The following LARGE1 variants were observed in gnomAD, a reference collection of about 807,000 sequenced individuals.
LARGE1 encodes the protein LARGE xylosyl- and glucuronyltransferase 1.
A neutral mutation model predicts 87.6 loss-of-function variants in LARGE1; 43 were observed. That is an observed-to-expected ratio of 0.49 (90% CI 0.38 to 0.63). LARGE1 has a LOEUF of 0.63. Ranked by LOEUF, LARGE1 falls within the 30% of genes least tolerant of loss-of-function variation. LARGE1 has a pLI of 0.00. For synonymous variants in LARGE1, 434 were observed against 394.6 expected (o/e 1.10, Z -1.18); for missense variants, 802 against 1,000.2 (o/e 0.80, Z 2.67).
chr22:33,590,766 T>C (rs1023339304), intron 5 of LARGE1, among the ~76,000 whole-genome samples: 6 of 152,226 alleles, frequency 3.9e-5, no homozygotes, highest in Admixed American at 6.5e-5. Context: ...GTTCTTCAGC[T>C]GACAGTCAGT....
At chr22:33,549,859 T>C (rs1225272784) in intron 6 of LARGE1, among the ~76,000 whole-genome samples, 8 of 152,180 alleles carry the variant, frequency 5.3e-5, no homozygotes, top group Non-Finnish European at 7.3e-5. Context: ...GTCCTTGCGA[T>C]AGTTTGCTCA....
the LARGE1 span, among the ~76,000 whole-genome samples, chr22:33,069,028 C>G: frequency 6.6e-6 from 1 of 152,196 alleles, no homozygotes; most frequent in African/African-American, 2.4e-5. Context: ...TACAAAGAAA[C>G]TCTGTGGCAG....
intron 3 of LARGE1, among the ~76,000 whole-genome samples, chr22:33,640,756 C>A (rs888237401): frequency 6.6e-6 from 1 of 152,134 alleles, no homozygotes; most frequent in African/African-American, 2.4e-5. Context: ...GAGAAAGGGG[C>A]GTCCACCATA....
intron 6 of LARGE1, among the ~76,000 whole-genome samples, chr22:33,474,141 T>G (rs1015733530): frequency 6.6e-6 from 1 of 152,104 alleles, no homozygotes; most frequent in South Asian, 2.1e-4. Flanking sequence ...GGCCAATGTA[T>G]CTAGTCTTTT....
intron 10 of LARGE1, among the ~76,000 whole-genome samples, chr22:33,325,083 C>G (rs1226846194): frequency 6.6e-6 from 1 of 152,256 alleles, no homozygotes; most frequent in Non-Finnish European, 1.5e-5. Flanking sequence ...GAGATTCAAA[C>G]CCAGGTGTAT....
the LARGE1 span, among the ~76,000 whole-genome samples, chr22:33,148,267 T>G: frequency 6.6e-6 from 1 of 152,226 alleles, no homozygotes; most frequent in African/African-American, 2.4e-5. Context: ...CAACAGAAAA[T>G]AGACTAAGAT....
At chr22:33,660,906 G>A (rs1490866901) in intron 2 of LARGE1, among the ~76,000 whole-genome samples, 2 of 152,058 alleles carry the variant, frequency 1.3e-5, no homozygotes, top group African/African-American at 2.4e-5. Context: ...TATTTGATAT[G>A]AAATATTCAT....
chr22:33,110,714 C>T, the LARGE1 span: 2 of 152,196 alleles, frequency 1.3e-5, no homozygotes, highest in South Asian at 4.1e-4. Flanking sequence ...GGGGCTACTC[C>T]CCAATCCGTG....
chr22:33,128,692 A>G, the LARGE1 span, among the ~76,000 whole-genome samples: 10 of 144,216 alleles, frequency 6.9e-5, no homozygotes, highest in Admixed American at 5.0e-4. Flanking sequence ...AAAAAAAAAA[A>G]AAAAAGAAAA....
chr22:33,359,558 A>ATCTTTTT (rs1307667139), intron 9 of LARGE1, among the ~76,000 whole-genome samples: 1 of 140,576 alleles, frequency 7.1e-6, no homozygotes, highest in African/African-American at 2.7e-5. Flanking sequence ...TGGCAGACTC[A>ATCTTTTT]TCTTTTTTTT....
At chr22:33,601,852 A>C (rs1194711068) in intron 5 of LARGE1, among the ~76,000 whole-genome samples, 1 of 152,162 alleles carries the variant, frequency 6.6e-6, no homozygotes. Context: ...TATATATATA[A>C]AGCCAGCACG....
At chr22:33,277,287 AGGGAAG>A in intron 13 of LARGE1, 32 bp from the exon 14 acceptor site, 1 of 1,606,658 alleles carries the variant, frequency 6.2e-7, no homozygotes, top group Non-Finnish European at 8.5e-7. Context: ...CATTGGGTGT[AGGGAAG>A]GAAGCCAAGC....
At chr22:33,182,253 T>G (rs1308438817) in intron 11 of LARGE1, among the ~76,000 whole-genome samples, 1 of 152,220 alleles carries the variant, frequency 6.6e-6, no homozygotes, top group Admixed American at 6.5e-5. Flanking sequence ...TTATTATATA[T>G]TAGGGTTCTA....
At chr22:33,203,993 G>C (rs779166020) in intron 11 of LARGE1, among the ~76,000 whole-genome samples, 5 of 152,178 alleles carry the variant, frequency 3.3e-5, no homozygotes, top group African/African-American at 4.8e-5. Context: ...TTATTGTTCT[G>C]TATGTCCCCA....
chr22:33,346,078 A>G (rs1476495127), intron 9 of LARGE1, among the ~76,000 whole-genome samples: 2 of 152,136 alleles, frequency 1.3e-5, no homozygotes, highest in African/African-American at 4.8e-5. Flanking sequence ...ACTGCCTCCC[A>G]CTTATGATTC....
intron 1 of LARGE1, among the ~76,000 whole-genome samples, chr22:33,890,928 T>G (rs1343734064): frequency 6.6e-6 from 1 of 152,142 alleles, no homozygotes; most frequent in African/African-American, 2.4e-5. Context: ...TTTACTGCCC[T>G]AGCGCCAAGG....
Position 33,384,390 on chromosome 22 carries a change from T to C in LARGE1, c.893-86A>G, listed in dbSNP as rs979517334. 9.5e-6 allele frequency: 9 copies of C among 942,852 alleles called. No individual in the cohort carries two copies. The Admixed American group carries it at 1.7e-4, about 17-fold the overall frequency. 58.4% of individuals were successfully genotyped at this position (942,852 alleles called of 1,614,324 possible). A position where few individuals can be genotyped will look rare whatever the true frequency, so the allele number is the denominator to read the frequency against. On this transcript the variant is annotated intron_variant, in intron 7 of 14. Transcript: ENST00000397394. ...ACACCTACTCACATCACAGCCACAG[T>C]CTCTCGGGGATGATTGTCTTATGCA...
intron 7 of LARGE1, among the ~76,000 whole-genome samples, chr22:33,423,599 G>C (rs984050794): frequency 1.3e-5 from 2 of 149,090 alleles, no homozygotes; most frequent in African/African-American, 5.0e-5. Flanking sequence ...GGAATGGCTT[G>C]AACCCCGGAG....
intron 4 of LARGE1, among the ~76,000 whole-genome samples, chr22:33,610,256 G>T (rs1054807900): frequency 1.3e-5 from 2 of 152,160 alleles, no homozygotes; most frequent in Non-Finnish European, 2.9e-5. Flanking sequence ...GAAGAAGATG[G>T]GAAAGTCTGG....
Sources: allele counts gnomAD v4.1 joint callset (sites outside exome capture counted in the v4.1 genomes callset), GRCh38; gene constraint gnomAD v4.1.1; transcripts MANE v1.5; gene names NCBI Gene and HGNC (gene_info 2026-07-23, HGNC 2026-07-21).